Variants in TNFRSF8 observed in about 807,000 individuals in gnomAD.
TNFRSF8 encodes the protein tumor necrosis factor receptor superfamily member 8.
In TNFRSF8, 26 loss-of-function variants were observed where a neutral mutation model predicts 70.8. That is an observed-to-expected ratio of 0.37 (90% CI 0.27 to 0.51). The LOEUF is 0.51. Ranked by LOEUF, TNFRSF8 falls within the 20% of genes least tolerant of loss-of-function variation. The pLI is 0.94. For synonymous variants in TNFRSF8, 356 were observed against 339.2 expected, an observed-to-expected ratio of 1.05 and a Z score of -0.54; for missense variants, 720 against 807.9, an observed-to-expected ratio of 0.89 and a Z score of 1.32.
At chr1:12,092,667 C>G (rs1468911786) in intron 2 of TNFRSF8, among the ~76,000 whole-genome samples, 1 of 151,722 alleles carries the variant, frequency 6.6e-6, no homozygotes, top group African/African-American at 2.4e-5. Context: ...GCCACCACAC[C>G]CGGCTAATTT....
In TNFRSF8 at chr1:12,097,136, A is replaced by C; in HGVS notation, c.187A>C (p.Thr63Pro). Residue 63 changes from threonine to proline, a missense_variant, in exon 3 of 15, where the codon ACT becomes CCT. By Grantham distance (38) the Thr-to-Pro change is conservative. Transcript: ENST00000263932. ...GACACAGCAGTGCCCACAGAGGCCT[A>C]CTGACTGCAGGAAGCAGTGTGAGCC... Reference protein sequence around the residue: ...FPTQQCPQRPTDCRKQCEPDY... With the variant: ...FPTQQCPQRPPDCRKQCEPDY... 6.2e-7 allele frequency: 1 copy of C among 1,614,064 alleles called. No homozygotes were observed. The highest frequency in any genetic ancestry group is 8.5e-7 in the Non-Finnish European group (1 of 1,179,964).
Position 12,073,696 on chromosome 1 carries a change from C to T in TNFRSF8, c.63+10035C>T, listed in dbSNP as rs373601517. Among the ~76,000 whole-genome samples, 52 of 150,914 alleles carry T rather than the reference C, an allele frequency of 3.4e-4. No homozygotes were observed. The East Asian group carries it at 4.5e-3, about 13-fold the overall frequency. ...GCAACCTCTGCCTCCCGGGTTCAAACGATTCTCCTGCCTCAGGATCCCGAG... is the reference window on the plus strand; with the variant it reads ...GCAACCTCTGCCTCCCGGGTTCAAATGATTCTCCTGCCTCAGGATCCCGAG... On this transcript the variant is annotated intron_variant, in intron 1 of 14. Coordinates refer to ENST00000263932, the MANE Select transcript of TNFRSF8 (RefSeq NM_001243.5).
intron 7 of TNFRSF8, among the ~76,000 whole-genome samples, chr1:12,115,023 A>G (rs571239558): frequency 6.6e-6 from 1 of 152,236 alleles, no homozygotes; most frequent in East Asian, 1.9e-4. Flanking sequence ...TCTTTTTATT[A>G]TTAAAAATTT....
Position 12,115,739 on chromosome 1 carries a change from T to TC in TNFRSF8, c.946+13dup, listed in dbSNP as rs1326719328. 5 of 1,612,964 alleles carry TC rather than the reference T, an allele frequency of 3.1e-6. No individual in the cohort carries two copies. In the African/African-American group the frequency reaches 6.7e-5, roughly 22 times the overall value. ...GTCACCAAGCCCCAGGGTAAGCAGT[T>TC]CCCACCCCAGGCCTCGACCACAGGG... On this transcript the variant is annotated intron_variant, in intron 8 of 14. Transcript: ENST00000263932.
rs546862514 is a variant in TNFRSF8, at chr1:12,113,143, A to G, written c.793+1129A>G. Among the ~76,000 whole-genome samples, 77 of 152,332 alleles carry G rather than the reference A, an allele frequency of 5.1e-4. 1 individual carries two copies. The highest frequency in any genetic ancestry group is 1.8e-3 in the African/African-American group (74 of 41,574). ...GCTTGTCTCTGCTCCACAATGTCTG[A>G]GGTCTTAGCTGGAAAGCCCAAAAGC... On this transcript the variant is annotated intron_variant, in intron 7 of 14. Transcript: ENST00000263932. The surrounding 1 kb of genome is among the most constrained non-coding windows in gnomAD (Gnocchi z 4.9).
rs965931921 is a variant in TNFRSF8 at position 12,142,726 on chromosome 1, C to G, written c.*195C>G. ...ATCCCCAACTTAGCTGTCCCCTGAC[C>G]CAGAGCCTAGGGGATCCGGGGCTTG... On this transcript the variant is annotated 3_prime_UTR_variant, in exon 15 of 15. Coordinates refer to ENST00000263932, the MANE Select transcript of TNFRSF8 (RefSeq NM_001243.5). The surrounding 1 kb of genome is among the most constrained non-coding windows in gnomAD (Gnocchi z 5.0). The G allele has an allele frequency of 1.9e-5, 13 of 699,324 alleles. No homozygotes were observed. The East Asian group carries it at 3.3e-4, about 18-fold the overall frequency. 43.3% of individuals were successfully genotyped at this position (699,324 alleles called of 1,614,324 possible). A position where few individuals can be genotyped will look rare whatever the true frequency, so the allele number is the denominator to read the frequency against.
chr1:12,142,615 C>A lies in TNFRSF8; in HGVS notation c.*84C>A. ...GCACTGTTGGCACCGAGGTTGGGGG[C>A]AGAGGCCCATCTGGCCTGAACTGAG... On this transcript the variant is annotated 3_prime_UTR_variant, in exon 15 of 15. Coordinates refer to ENST00000263932, the MANE Select transcript of TNFRSF8 (RefSeq NM_001243.5). This position sits in a 1 kb window ranked among gnomAD's most constrained non-coding sequence, Gnocchi z 5.0. 6.7e-7 allele frequency: 1 copy of A among 1,493,430 alleles called. No homozygotes were observed. The highest frequency in any genetic ancestry group is 9.0e-7 in the Non-Finnish European group (1 of 1,115,426). The allele number at this position is 1,493,430 out of a possible 1,614,324, so 92.5% of individuals were successfully genotyped here.
At chr1:12,075,922 C>T (rs887975961) in intron 1 of TNFRSF8, among the ~76,000 whole-genome samples, 5 of 152,160 alleles carry the variant, frequency 3.3e-5, no homozygotes, top group Non-Finnish European at 1.5e-5. Context: ...CTGAGATAAC[C>T]TCCCCTCTGA....
Position 12,102,648 on chromosome 1 carries a change from C to A in TNFRSF8, c.269-1731C>A, listed in dbSNP as rs987099568. 3.9e-5 allele frequency among the ~76,000 whole-genome samples: 6 copies of A among 152,260 alleles called. No individual in the cohort carries two copies. The East Asian group carries it at 1.2e-3, about 29-fold the overall frequency. On this transcript the variant is annotated intron_variant, in intron 3 of 14. Transcript: ENST00000263932. ...TCAAGTGATTTTCCTGTCTCAGCCTCCCCAGTAGCTTGGATTACAGGTGTG... is the reference window on the plus strand; with the variant it reads ...TCAAGTGATTTTCCTGTCTCAGCCTACCCAGTAGCTTGGATTACAGGTGTG...
At chr1:12,123,982 G>A (rs1328491396) in intron 10 of TNFRSF8, among the ~76,000 whole-genome samples, 155 bp downstream of exon 10, 1 of 152,282 alleles carries the variant, frequency 6.6e-6, no homozygotes, top group African/African-American at 2.4e-5. Flanking sequence ...TTGAGTTGGT[G>A]CTGTGGCTCT....
intron 3 of TNFRSF8, among the ~76,000 whole-genome samples, chr1:12,101,078 A>C (rs896540811): frequency 2.0e-5 from 3 of 152,156 alleles, no homozygotes; most frequent in Non-Finnish European, 4.4e-5. Context: ...AGAAGGACCT[A>C]CCTGAGGCTG....
chr1:12,079,872 T>C (rs1641032832), intron 1 of TNFRSF8, among the ~76,000 whole-genome samples: 1 of 152,136 alleles, frequency 6.6e-6, no homozygotes, highest in African/African-American at 2.4e-5. Flanking sequence ...TGTGGCTTTG[T>C]ACATCTGTGT....
At position 12,090,614 on chromosome 1, in the gene TNFRSF8, A is replaced by G. The variant is rs191226059; in HGVS notation, c.151+6063A>G. Among the ~76,000 whole-genome samples, 971 of 139,410 alleles carry G rather than the reference A, an allele frequency of 7.0e-3. 8 individuals are homozygous for G. Among genetic ancestry groups the G allele is most frequent in the Middle Eastern group, 0.028 (8 of 290 alleles). The allele number at this position is 139,410 out of a possible 152,430, so 91.5% of individuals were successfully genotyped here. On this transcript the variant is annotated intron_variant, in intron 2 of 14. Transcript: ENST00000263932. ...CACCCACTCATCCATTTACCCACCC[A>G]TCCACCCACTCATTCATTCATTGAT...
intron 2 of TNFRSF8, among the ~76,000 whole-genome samples, chr1:12,089,840 C>T (rs1641216035): frequency 6.6e-6 from 1 of 151,144 alleles, no homozygotes. Flanking sequence ...CATCCATCTA[C>T]CCATCCACCC....
At chr1:12,134,864 C>T (rs1042142933) in intron 12 of TNFRSF8, among the ~76,000 whole-genome samples, 1 of 152,066 alleles carries the variant, frequency 6.6e-6, no homozygotes, top group Non-Finnish European at 1.5e-5. Flanking sequence ...ACCCTGGAGA[C>T]AGTAAGGTGG....
At chr1:12,122,988 C>T (rs1641859927) in intron 8 of TNFRSF8, among the ~76,000 whole-genome samples, 1 of 152,076 alleles carries the variant, frequency 6.6e-6, no homozygotes, top group Admixed American at 6.5e-5. Context: ...GCCATCACAC[C>T]TGGCTAATTT....
intron 4 of TNFRSF8, among the ~76,000 whole-genome samples, chr1:12,105,374 G>C (rs1009635386): frequency 6.6e-6 from 1 of 151,724 alleles, no homozygotes; most frequent in Non-Finnish European, 1.5e-5. Flanking sequence ...TCCTTCCCTC[G>C]TTCCCTCATC....
At chr1:12,098,093 G>GT (rs984484198) in intron 3 of TNFRSF8, among the ~76,000 whole-genome samples, 1 of 151,934 alleles carries the variant, frequency 6.6e-6, no homozygotes, top group Non-Finnish European at 1.5e-5. Flanking sequence ...TGAATGTTAT[G>GT]TTTTTTTGGT....
At chr1:12,129,413 A>G (rs1557603184) in intron 12 of TNFRSF8, among the ~76,000 whole-genome samples, 1 of 152,210 alleles carries the variant, frequency 6.6e-6, no homozygotes, top group Non-Finnish European at 1.5e-5. Flanking sequence ...ACACTGATAC[A>G]TGACCCACAA....
Sources: gnomAD v4.1 joint callset for allele counts (sites outside exome capture counted in the v4.1 genomes callset) on GRCh38, gnomAD v4.1.1 for gene constraint, Gnocchi (gnomAD v3.1) non-coding constraint, MANE v1.5 for transcripts, NCBI Gene and HGNC (gene_info 2026-07-23, HGNC 2026-07-21) for gene names.